Variants in LRRC4C observed in about 807,000 individuals in gnomAD.
The protein encoded by LRRC4C is leucine-rich repeat-containing protein 4C.
LRRC4C carries 5 observed loss-of-function variants against 33.6 expected under a neutral mutation model. The observed-to-expected ratio is 0.15, with a 90% CI of 0.08 to 0.31. The LOEUF (loss-of-function observed/expected upper bound fraction) is 0.31, where lower values mean the gene tolerates loss of function less well. LRRC4C is among the 10% of genes least tolerant of loss of function. The pLI, the probability that LRRC4C is intolerant of heterozygous loss-of-function variation, is 1.00. For synonymous variants in LRRC4C, 329 were observed against 302.0 expected (o/e 1.09, Z -0.93); for missense variants, 560 against 796.7 (o/e 0.70, Z 3.58).
At chr11:41,251,257 A>C (rs1444389631) in intron 1 of LRRC4C, among the ~76,000 whole-genome samples, 4 of 152,252 alleles carry the variant, frequency 2.6e-5, no homozygotes, top group African/African-American at 9.6e-5. Context: ...GAGATGCAGC[A>C]AATAAGGACA....
At position 41,183,175 on chromosome 11, in the gene LRRC4C, CT is replaced by C. The variant is rs372708106; in HGVS notation, c.-495-249453del. Among the ~76,000 whole-genome samples, 742 of 152,212 alleles carry C rather than the reference CT, an allele frequency of 4.9e-3. 7 individuals are homozygous for C. The highest frequency in any genetic ancestry group is 0.017 in the African/African-American group (710 of 41,532). On this transcript the variant is annotated intron_variant, in intron 1 of 6. Transcript: ENST00000528697. ...ACAGCCAAACCATATCATTCTGCCC[CT>C]GGCCCCTCCCAAATCTCATGTCTTC...
At position 41,282,488 on chromosome 11, in the gene LRRC4C, G is replaced by A. The variant is rs528176230; in HGVS notation, c.-496+176943C>T. The stretch of plus-strand genomic sequence containing the variant: ...ATGCCTGCACTAACCAATTCCAATG[G>A]GAGAAGTCCCAGAATCTGGACTGCT... On this transcript the variant is annotated intron_variant, in intron 1 of 6. Transcript: ENST00000528697. 7.9e-5 allele frequency among the ~76,000 whole-genome samples: 12 copies of A among 152,234 alleles called. No individual in the cohort carries two copies. The South Asian group carries it at 2.3e-3, about 29-fold the overall frequency.
At chr11:41,152,110 A>G (rs1393013546) in intron 1 of LRRC4C, among the ~76,000 whole-genome samples, 1 of 152,152 alleles carries the variant, frequency 6.6e-6, no homozygotes, top group Non-Finnish European at 1.5e-5. Flanking sequence ...GAGGTTATAT[A>G]ACCATTATAT....
intron 5 of LRRC4C, among the ~76,000 whole-genome samples, chr11:40,177,536 C>T (rs1860610431): frequency 6.6e-6 from 1 of 152,132 alleles, no homozygotes; most frequent in Non-Finnish European, 1.5e-5. Flanking sequence ...GGCATGCTCC[C>T]ACCTATTCTC....
In LRRC4C at chr11:41,371,297, G is replaced by C. The variant is rs149567493; in HGVS notation, c.-496+88134C>G. ...AAACTCCCGCTTAGACCGATAGGAA[G>C]ACAGATGAAGACACAAATGAAACTT... On this transcript the variant is annotated intron_variant, in intron 1 of 6. Coordinates refer to ENST00000528697, the MANE Select transcript of LRRC4C (RefSeq NM_001258419.2). 5.5e-3 allele frequency among the ~76,000 whole-genome samples: 837 copies of C among 152,308 alleles called. 6 individuals carry two copies. Among genetic ancestry groups the C allele is most frequent in the Non-Finnish European group, 8.8e-3 (598 of 68,022 alleles).
At chr11:41,220,025 A>G (rs1040454154) in intron 1 of LRRC4C, among the ~76,000 whole-genome samples, 10 of 152,202 alleles carry the variant, frequency 6.6e-5, no homozygotes, top group Non-Finnish European at 2.9e-5. Context: ...TTAAAAGGCT[A>G]GTAGGGAGCC....
chr11:41,198,408 GTATT>G (rs1159402296), intron 1 of LRRC4C, among the ~76,000 whole-genome samples: 3 of 152,010 alleles, frequency 2.0e-5, no homozygotes, highest in Non-Finnish European at 4.4e-5. Context: ...AAGTAAGAAA[GTATT>G]TAAGTATCTT....
intron 5 of LRRC4C, among the ~76,000 whole-genome samples, chr11:40,207,132 T>C (rs1047329233): frequency 6.6e-6 from 1 of 152,198 alleles, no homozygotes; most frequent in Admixed American, 6.5e-5. Flanking sequence ...TCAATCTTAA[T>C]ATATTGTACG....
chr11:41,162,188 T>C (rs968358081), intron 1 of LRRC4C, among the ~76,000 whole-genome samples: 12 of 152,152 alleles, frequency 7.9e-5, no homozygotes, highest in African/African-American at 1.2e-4. Context: ...AGCATCGCCT[T>C]TGATTGGACA....
intron 3 of LRRC4C, among the ~76,000 whole-genome samples, chr11:40,387,752 A>C (rs1167486347): frequency 6.6e-6 from 1 of 152,162 alleles, no homozygotes; most frequent in Non-Finnish European, 1.5e-5. Context: ...TTAATGAATA[A>C]ACTCTCTTTT....
chr11:40,279,382 C>T (rs190243168), intron 4 of LRRC4C, among the ~76,000 whole-genome samples: 1 of 152,162 alleles, frequency 6.6e-6, no homozygotes, highest in African/African-American at 2.4e-5. Context: ...CAGAAAACAA[C>T]AGGAATTACA....
intron 1 of LRRC4C, among the ~76,000 whole-genome samples, chr11:41,219,228 C>T (rs1420753504): frequency 4.0e-5 from 6 of 151,432 alleles, no homozygotes; most frequent in African/African-American, 9.8e-5. Context: ...GACACAAGTA[C>T]TCCCAACAAA....
intron 1 of LRRC4C, among the ~76,000 whole-genome samples, chr11:41,141,982 A>G (rs1397085344): frequency 2.0e-5 from 3 of 152,184 alleles, no homozygotes; most frequent in African/African-American, 7.2e-5. Context: ...TACAGTTAAA[A>G]AAAAAAGACT....
chr11:40,140,555 G>A (rs1228754099), intron 6 of LRRC4C, among the ~76,000 whole-genome samples: 1 of 152,026 alleles, frequency 6.6e-6, no homozygotes, highest in Non-Finnish European at 1.5e-5. Flanking sequence ...TTCTAAACTG[G>A]CAAAGAGAAA....
chr11:40,531,994 G>A (rs1956290254), intron 3 of LRRC4C, among the ~76,000 whole-genome samples: 1 of 146,808 alleles, frequency 6.8e-6, no homozygotes, highest in Non-Finnish European at 1.5e-5. Flanking sequence ...TATTTATAGA[G>A]CATCTAGTAT....
At chr11:41,367,979 C>A (rs1030757556) in intron 1 of LRRC4C, among the ~76,000 whole-genome samples, 1 of 152,130 alleles carries the variant, frequency 6.6e-6, no homozygotes, top group Non-Finnish European at 1.5e-5. Context: ...AATTTTTTTG[C>A]CTTAGATTGT....
chr11:40,646,801 T>G (rs1942490312), intron 3 of LRRC4C, among the ~76,000 whole-genome samples: 1 of 152,112 alleles, frequency 6.6e-6, no homozygotes, highest in African/African-American at 2.4e-5. Flanking sequence ...AGAGATGAGG[T>G]TTCACCGTGT....
At chr11:41,074,416 A>G (rs973306835) in intron 1 of LRRC4C, among the ~76,000 whole-genome samples, 2 of 152,206 alleles carry the variant, frequency 1.3e-5, no homozygotes, top group Admixed American at 1.3e-4. Context: ...TAGATTTTTC[A>G]TATGAAAATA....
intron 5 of LRRC4C, among the ~76,000 whole-genome samples, chr11:40,149,659 A>C (rs1858025044): frequency 1.3e-5 from 2 of 152,120 alleles, no homozygotes; most frequent in Admixed American, 1.3e-4. Flanking sequence ...AAAACATTAA[A>C]TTGATGGTCT....
Sources: gnomAD v4.1 joint callset for allele counts (sites outside exome capture counted in the v4.1 genomes callset) on GRCh38, gnomAD v4.1.1 for gene constraint, MANE v1.5 for transcripts, NCBI Gene and HGNC (gene_info 2026-07-23, HGNC 2026-07-21) for gene names.